The following GPR26 variants were observed in gnomAD, a reference collection of about 807,000 sequenced individuals.
The protein encoded by GPR26 is G protein-coupled receptor 26.
In GPR26, 15 loss-of-function variants were observed where a neutral mutation model predicts 23.1. The observed-to-expected ratio is 0.65, with a 90% CI of 0.43 to 1.00. GPR26 has a LOEUF of 1.00. GPR26 is among the 50% of genes least tolerant of loss of function. The probability of loss-of-function intolerance (pLI) is 0.00; values close to 1 mark genes in which losing one functional copy is unlikely to be tolerated. For missense variants in GPR26, 359 were observed against 470.5 expected (o/e 0.76, Z 2.19); for synonymous variants, 228 against 222.1 (o/e 1.03, Z -0.24).
chr10:123,684,399 C>A (rs1845409541), intron 2 of GPR26, among the ~76,000 whole-genome samples: 1 of 152,180 alleles, frequency 6.6e-6, no homozygotes, highest in Non-Finnish European at 1.5e-5. Flanking sequence ...AACAACCACA[C>A]AACCACACAG....
rs909162205 is a variant in GPR26 at position 123,688,525 on chromosome 10, C to A, written c.*365C>A. ...GCATGGTGTCCACCTGCCTGCTGAC[C>A]ACTGGACGCTGCTCCATGCTGAAGA... On this transcript the variant is annotated 3_prime_UTR_variant, in exon 3 of 3. Coordinates refer to ENST00000284674, the MANE Select transcript of GPR26 (RefSeq NM_153442.4). 3.4e-6 allele frequency: 1 copy of A among 296,032 alleles called. No individual in the cohort carries two copies. The highest frequency in any genetic ancestry group is 8.3e-5 in the East Asian group (1 of 12,026). 18.3% of individuals were successfully genotyped at this position (296,032 alleles called of 1,614,324 possible).
Position 123,694,992 on chromosome 10 carries a change from T to G in GPR26, c.*6832T>G, listed in dbSNP as rs1483551857. 6.6e-6 allele frequency among the ~76,000 whole-genome samples: 1 copy of G among 152,186 alleles called. No individual in the cohort carries two copies. The highest frequency in any genetic ancestry group is 1.9e-4 in the East Asian group (1 of 5,198). ...ATCAATGCAGGGTCCTGATGGGCACTGCCACATACCCCCAGGACAAACGGA... is the reference window on the plus strand; with the variant it reads ...ATCAATGCAGGGTCCTGATGGGCACGGCCACATACCCCCAGGACAAACGGA... On this transcript the variant is annotated 3_prime_UTR_variant, in exon 3 of 3. Transcript: ENST00000284674.
At chr10:123,667,959 C>G in intron 1 of GPR26, among the ~76,000 whole-genome samples, 1 of 152,176 alleles carries the variant, frequency 6.6e-6, no homozygotes, top group South Asian at 2.1e-4. Context: ...AGGGAAACAG[C>G]TGGCAGCGTC....
Position 123,696,893 on chromosome 10 carries a change from G to A in GPR26, c.*8733G>A, listed in dbSNP as rs1376185709. Reference sequence around the variant, plus strand: ...TGTGTGCCCATGAGTATATGCATACGGGTGAATGTTTGTGTGCCCATGAGT... The same window carrying A: ...TGTGTGCCCATGAGTATATGCATACAGGTGAATGTTTGTGTGCCCATGAGT... On this transcript the variant is annotated 3_prime_UTR_variant, in exon 3 of 3. Coordinates refer to ENST00000284674, the MANE Select transcript of GPR26 (RefSeq NM_153442.4). Among the ~76,000 whole-genome samples the A allele has an allele frequency of 5.9e-5, 9 of 152,002 alleles. No individual in the cohort carries two copies. Among genetic ancestry groups the A allele is most frequent in the Middle Eastern group, 3.4e-3 (1 of 292 alleles).
At position 123,674,160 on chromosome 10, in the gene GPR26, G is replaced by A. The variant is rs535738270; in HGVS notation, c.669-658G>A. On this transcript the variant is annotated intron_variant, in intron 1 of 2. Transcript: ENST00000284674. This position sits in a 1 kb window ranked among gnomAD's most constrained non-coding sequence, Gnocchi z 4.1. ...TTTGGTACAGGCGAGGTTTCACCAC[G>A]TTGGCCAGGCTGGTCTCAAACTCCC... Among the ~76,000 whole-genome samples, 22 of 152,228 alleles carry A rather than the reference G, an allele frequency of 1.4e-4. No individual in the cohort carries two copies. In the South Asian group the frequency reaches 2.9e-3, roughly 20 times the overall value.
rs1431234377 is a variant in GPR26 at position 123,692,445 on chromosome 10, C to T, written c.*4285C>T. On this transcript the variant is annotated 3_prime_UTR_variant, in exon 3 of 3. Transcript: ENST00000284674. ...TCTGGGTGTGGGTCTCTTGTTGGCT[C>T]CCAGCTCATCCCGTGTGGCTGACCC... 2 of 152,336 alleles carry T rather than the reference C, an allele frequency of 1.3e-5. No individual in the cohort carries two copies. The highest frequency in any genetic ancestry group is 2.9e-5 in the Non-Finnish European group (2 of 68,128). 9.4% of individuals were successfully genotyped at this position (152,336 alleles called of 1,614,324 possible).
chr10:123,675,025 C>A, intron 2 of GPR26, 94 bp downstream of exon 2: 1 of 743,418 alleles, frequency 1.3e-6, no homozygotes, highest in Non-Finnish European at 2.4e-6. Flanking sequence ...GCCACACGTT[C>A]TTCTGCACGG....
In GPR26 at chr10:123,674,436, T is replaced by C. The variant is rs1002062888; in HGVS notation, c.669-382T>C. ...GAATGATATGAGCAATAATAAGAGG[T>C]AATGTTTAATGTTTCTTTGTACTGA... On this transcript the variant is annotated intron_variant, in intron 1 of 2. Transcript: ENST00000284674. The surrounding 1 kb of genome is among the most constrained non-coding windows in gnomAD (Gnocchi z 4.1). 2.0e-5 allele frequency among the ~76,000 whole-genome samples: 3 copies of C among 152,196 alleles called. No individual in the cohort carries two copies. The highest frequency in any genetic ancestry group is 3.4e-3 in the Middle Eastern group (1 of 292).
At chr10:123,669,116 GC>G (rs1411420363) in intron 1 of GPR26, among the ~76,000 whole-genome samples, 1 of 152,210 alleles carries the variant, frequency 6.6e-6, no homozygotes, top group Non-Finnish European at 1.5e-5. Flanking sequence ...TGCTCCCAGT[GC>G]CCTGGGACCC....
At chr10:123,669,711 T>A (rs1287445603) in intron 1 of GPR26, among the ~76,000 whole-genome samples, 1 of 152,188 alleles carries the variant, frequency 6.6e-6, no homozygotes, top group Non-Finnish European at 1.5e-5. Context: ...CTGCTCTACC[T>A]GCAGGATGTT....
At chr10:123,681,197 C>T (rs894539709) in intron 2 of GPR26, among the ~76,000 whole-genome samples, 21 of 152,130 alleles carry the variant, frequency 1.4e-4, no homozygotes, top group African/African-American at 4.3e-4. Flanking sequence ...CAGCCTTCCC[C>T]AATTCCATCA....
At chr10:123,670,981 G>A (rs1226611789) in intron 1 of GPR26, among the ~76,000 whole-genome samples, 1 of 152,170 alleles carries the variant, frequency 6.6e-6, no homozygotes, top group Non-Finnish European at 1.5e-5. Context: ...CCAGGGCAGG[G>A]GTCCCTCTTG....
At chr10:123,679,370 C>T (rs1845343819) in intron 2 of GPR26, among the ~76,000 whole-genome samples, 1 of 152,212 alleles carries the variant, frequency 6.6e-6, no homozygotes, top group Non-Finnish European at 1.5e-5. Flanking sequence ...CTGGGAGAGG[C>T]ACGCAAGCTT....
chr10:123,675,815 TGTAC>T (rs748981226), intron 2 of GPR26, among the ~76,000 whole-genome samples: 41 of 55,196 alleles, frequency 7.4e-4, no homozygotes, highest in East Asian at 1.9e-3. Flanking sequence ...TGTGTGTGTG[TGTAC>T]GTGTGTGTGT....
At chr10:123,667,130 G>A in intron 1 of GPR26, 55 bp downstream of exon 1, 1 of 1,308,956 alleles carries the variant, frequency 7.6e-7, no homozygotes, top group Non-Finnish European at 1.0e-6. Context: ...CTCGGCGGGA[G>A]TGGGAGGTCC....
intron 1 of GPR26, among the ~76,000 whole-genome samples, chr10:123,672,708 C>G (rs1845265144): frequency 1.3e-5 from 2 of 152,192 alleles, no homozygotes; most frequent in East Asian, 3.8e-4. Flanking sequence ...GTCCTGCCAT[C>G]ACCTAGAGTG....
Position 123,696,158 on chromosome 10 carries a change from C to T in GPR26, c.*7998C>T, listed in dbSNP as rs1052465484. The stretch of plus-strand genomic sequence containing the variant: ...GATCTCTCCTTCTGCCATAGTATGT[C>T]GTGTGTAGTGGATGCCAGTAGACAA... On this transcript the variant is annotated 3_prime_UTR_variant, in exon 3 of 3. Coordinates refer to ENST00000284674, the MANE Select transcript of GPR26 (RefSeq NM_153442.4). Among the ~76,000 whole-genome samples the T allele has an allele frequency of 3.3e-5, 5 of 152,156 alleles. No individual in the cohort carries two copies. The highest frequency in any genetic ancestry group is 1.2e-4 in the African/African-American group (5 of 41,446).
chr10:123,683,769 A>G (rs1845403266), intron 2 of GPR26, among the ~76,000 whole-genome samples: 1 of 152,228 alleles, frequency 6.6e-6, no homozygotes, highest in Admixed American at 6.5e-5. Flanking sequence ...GACAGCTGTC[A>G]GAACATAGGA....
chr10:123,687,540 G>A (rs1845441828), intron 2 of GPR26, among the ~76,000 whole-genome samples: 1 of 152,174 alleles, frequency 6.6e-6, no homozygotes, highest in African/African-American at 2.4e-5. Flanking sequence ...TGGGTTCTCA[G>A]TGCAGCTTGG....
Sources: allele counts gnomAD v4.1 joint callset (sites outside exome capture counted in the v4.1 genomes callset), GRCh38; gene constraint gnomAD v4.1.1; non-coding constraint Gnocchi (gnomAD v3.1); transcripts MANE v1.5; gene names NCBI Gene and HGNC (gene_info 2026-07-23, HGNC 2026-07-21).